Variants in NCKAP5 observed in about 807,000 individuals in gnomAD.
NCKAP5 encodes NCK associated protein 5, also known as nck-associated protein 5.
NCKAP5 carries 92 observed loss-of-function variants against 167.0 expected under a neutral mutation model. The ratio of observed to expected loss-of-function variants is 0.55; its 90% CI spans 0.47 to 0.66. The LOEUF (loss-of-function observed/expected upper bound fraction) is 0.66. NCKAP5 is among the 30% of genes least tolerant of loss of function. NCKAP5 has a pLI of 0.00. For synonymous variants in NCKAP5, 891 were observed against 877.4 expected (o/e 1.02, Z -0.27); for missense variants, 2,378 against 2,315.0 (o/e 1.03, Z -0.56).
chr2:133,292,272 G>A (rs1421924715), intron 4 of NCKAP5, among the ~76,000 whole-genome samples: 1 of 151,508 alleles, frequency 6.6e-6, no homozygotes, highest in African/African-American at 2.4e-5. Context: ...GAAAGCCATG[G>A]TAAATTACCC....
intron 7 of NCKAP5, among the ~76,000 whole-genome samples, chr2:132,973,318 T>C (rs2076887944): frequency 6.6e-6 from 1 of 152,196 alleles, no homozygotes; most frequent in Non-Finnish European, 1.5e-5. Context: ...CACTAGGATC[T>C]AAAAGTCTAT....
chr2:132,963,855 C>T lies in NCKAP5; in HGVS notation c.444G>A (p.Glu148=). The T allele has an allele frequency of 2.5e-6, 4 of 1,613,632 alleles. No homozygotes were observed. The highest frequency in any genetic ancestry group is 3.4e-6 in the Non-Finnish European group (4 of 1,179,822). Residue 148 remains glutamate, a synonymous_variant, in exon 8 of 20, where the codon GAG becomes GAA. Coordinates refer to ENST00000409261, the MANE Select transcript of NCKAP5 (RefSeq NM_207363.3). ...NIMVYQEKLS[E]EERKHKEALE... Reference sequence around the variant, plus strand: ...AAGCTTCCTTATGTTTTCTCTCTTCCTCTGACAGCTTTTCCTGAAGCAAGA... The same window carrying T: ...AAGCTTCCTTATGTTTTCTCTCTTCTTCTGACAGCTTTTCCTGAAGCAAGA...
chr2:133,283,901 G>A lies in NCKAP5; in HGVS notation c.143+19136C>T, dbSNP rs890072732. On this transcript the variant is annotated intron_variant, in intron 4 of 19. Coordinates refer to ENST00000409261, the MANE Select transcript of NCKAP5 (RefSeq NM_207363.3). ...GCTACGATTACAGGCGTGAGCCACC[G>A]TGCCCGGCCTTGAAAAGGAATTTTA... Among the ~76,000 whole-genome samples the A allele has an allele frequency of 7.2e-5, 11 of 152,184 alleles. No homozygotes were observed. The East Asian group carries it at 7.7e-4, about 11-fold the overall frequency.
At position 133,213,725 on chromosome 2, in the gene NCKAP5, C is replaced by T. The variant is rs2086305467; in HGVS notation, c.198G>A (p.Glu66=). Residue 66 remains glutamate, a synonymous_variant, in exon 5 of 20, where the codon GAG becomes GAA. Transcript: ENST00000409261. ...LQREVAQRTS[E]GAMHEKLIHE... ...GGCAGTCAGGACTTACCATGGCCCC[C>T]TCACTTGTTCTTTGGGCAACTTCTC... 2 of 1,613,734 alleles carry T rather than the reference C, an allele frequency of 1.2e-6. No homozygotes were observed. Among genetic ancestry groups the T allele is most frequent in the Non-Finnish European group, 1.7e-6 (2 of 1,179,770 alleles).
At chr2:133,448,250 GA>G (rs58596848) in intron 3 of NCKAP5, among the ~76,000 whole-genome samples, 241 of 140,674 alleles carry the variant, frequency 1.7e-3, no homozygotes, top group Middle Eastern at 7.2e-3. Flanking sequence ...ATTGTTCTGG[GA>G]AAAAAAAAAA....
chr2:133,288,591 A>G (rs1344726), intron 4 of NCKAP5, among the ~76,000 whole-genome samples: 49,140 of 150,980 alleles, frequency 0.33, 8,457 homozygotes, highest in African/African-American at 0.44. Context: ...TTTGCAGCAC[A>G]CTCTGCTTAT....
intron 5 of NCKAP5, among the ~76,000 whole-genome samples, chr2:133,173,624 A>G (rs1421250252): frequency 6.6e-6 from 1 of 151,984 alleles, no homozygotes; most frequent in African/African-American, 2.4e-5. Flanking sequence ...CTCCTTTGCT[A>G]TAAATTCCCA....
In NCKAP5 at chr2:132,972,857, A is replaced by C. The variant is rs2076874923; in HGVS notation, c.430-8988T>G. ...CAGCCTAGCAACACAGTGAGACTCC[A>C]TCTCCAAAAAAAAAAAAAAAGCTTT... On this transcript the variant is annotated intron_variant, in intron 7 of 19. Transcript: ENST00000409261. 4.0e-5 allele frequency among the ~76,000 whole-genome samples: 6 copies of C among 148,312 alleles called. No individual in the cohort carries two copies. In the South Asian group the frequency reaches 1.3e-3, roughly 32 times the overall value.
chr2:132,781,295 C>T (rs1683011603), intron 14 of NCKAP5, 66 bp from the exon 15 acceptor site: 2 of 1,468,282 alleles, frequency 1.4e-6, no homozygotes, highest in Non-Finnish European at 1.8e-6. Context: ...CTCCTTTTCC[C>T]AATCTTTTTA....
chr2:132,690,784 GA>G (rs1190643632), intron 19 of NCKAP5, among the ~76,000 whole-genome samples: 1 of 152,166 alleles, frequency 6.6e-6, no homozygotes, highest in Non-Finnish European at 1.5e-5. Context: ...AGGAGGGGGG[GA>G]AACAAGGCAT....
rs575703616 is a variant in NCKAP5, at chr2:132,879,702, C to T, written c.580-786G>A. 6.4e-4 allele frequency among the ~76,000 whole-genome samples: 97 copies of T among 152,174 alleles called. 1 individual carries two copies. The highest frequency in any genetic ancestry group is 3.8e-4 in the Non-Finnish European group (26 of 68,046). On this transcript the variant is annotated intron_variant, in intron 8 of 19. Coordinates refer to ENST00000409261, the MANE Select transcript of NCKAP5 (RefSeq NM_207363.3). ...ACCCTTCCCAGGGCTATGACAATGA[C>T]CACCCGCTCTAAGCCCACAAGCAAT...
intron 3 of NCKAP5, among the ~76,000 whole-genome samples, chr2:133,479,863 T>C (rs1215030875): frequency 6.6e-6 from 1 of 152,068 alleles, no homozygotes; most frequent in Non-Finnish European, 1.5e-5. Context: ...GAGGAATATG[T>C]CACTCTGAGA....
At chr2:133,406,888 T>G (rs1688473007) in intron 3 of NCKAP5, among the ~76,000 whole-genome samples, 1 of 152,216 alleles carries the variant, frequency 6.6e-6, no homozygotes, top group East Asian at 1.9e-4. Flanking sequence ...GGGACCTGCA[T>G]TATTCCTATC....
intron 4 of NCKAP5, among the ~76,000 whole-genome samples, chr2:133,274,803 C>G (rs1385474033): frequency 6.6e-6 from 1 of 151,660 alleles, no homozygotes; most frequent in African/African-American, 2.4e-5. Flanking sequence ...AATTAGAATC[C>G]TACCTCAGGC....
chr2:132,693,571 G>A (rs986662221), intron 19 of NCKAP5, among the ~76,000 whole-genome samples: 2 of 148,540 alleles, frequency 1.3e-5, no homozygotes, highest in Admixed American at 6.8e-5. Flanking sequence ...GATTTCAGAC[G>A]TCTAGGCTCC....
Position 132,784,833 on chromosome 2 carries a change from T to A in NCKAP5, c.1978A>T (p.Arg660Trp), listed in dbSNP as rs1185408384. ...GTCACACATTCTTCTGAAGAAGTCCTTTTTACAACTCTTTGCTGCTTAATG... is the reference window on the plus strand; with the variant it reads ...GTCACACATTCTTCTGAAGAAGTCCATTTTACAACTCTTTGCTGCTTAATG... ...SFIKQQRVVK[R>W]TSSEECVTVI... Residue 660 changes from arginine (R) to tryptophan (W), a missense_variant, in exon 14 of 20, where the codon AGG becomes TGG. This residue lies in a region of NCKAP5 where 1,049 missense variants were observed against 1,023.4 expected (regional missense o/e 1.02). Coordinates refer to ENST00000409261, the MANE Select transcript of NCKAP5 (RefSeq NM_207363.3). The A allele has an allele frequency of 1.3e-6, 2 of 1,578,032 alleles. No homozygotes were observed. The highest frequency in any genetic ancestry group is 1.7e-6 in the Non-Finnish European group (2 of 1,161,388).
intron 3 of NCKAP5, among the ~76,000 whole-genome samples, chr2:133,392,453 AC>A (rs1411357479): frequency 1.2e-4 from 18 of 152,194 alleles, no homozygotes; most frequent in African/African-American, 4.3e-4. Flanking sequence ...TTATTAAGTG[AC>A]ATATGACTGT....
chr2:133,523,327 T>C (rs911792605), intron 2 of NCKAP5, among the ~76,000 whole-genome samples: 9 of 147,240 alleles, frequency 6.1e-5, no homozygotes, highest in East Asian at 2.0e-4. Flanking sequence ...CACACACACA[T>C]ACTCACTCAC....
chr2:132,785,823 C>T (rs1432496378), intron 13 of NCKAP5, 105 bp from the exon 14 acceptor site: 2 of 852,496 alleles, frequency 2.3e-6, no homozygotes, highest in Non-Finnish European at 3.3e-6. Flanking sequence ...TGGTTGGTAA[C>T]TATTCACATA....
Sources: gnomAD v4.1 joint callset for allele counts (sites outside exome capture counted in the v4.1 genomes callset) on GRCh38, gnomAD v4.1.1 for gene constraint, gnomAD v4.1.1 regional missense constraint, MANE v1.5 for transcripts, NCBI Gene and HGNC (gene_info 2026-07-23, HGNC 2026-07-21) for gene names.